The following DDX1 variants were observed in gnomAD, a reference collection of about 807,000 sequenced individuals.
The protein encoded by DDX1 is ATP-dependent RNA helicase DDX1.
A neutral mutation model predicts 108.7 loss-of-function variants in DDX1; 28 were observed. The observed-to-expected ratio is 0.26, with a 90% CI of 0.19 to 0.35. DDX1 has a LOEUF of 0.35. DDX1 is among the 10% of genes least tolerant of loss of function. The pLI is 1.00. For missense variants in DDX1, 710 were observed against 884.5 expected (o/e 0.80, Z 2.50); for synonymous variants, 295 against 288.9 (o/e 1.02, Z -0.21).
chr2:15,611,913 A>G (rs7598362), intron 13 of DDX1, among the ~76,000 whole-genome samples: 363 of 7,868 alleles, frequency 0.046, 2 homozygotes, highest in Middle Eastern at 0.083. Context: ...CCGGGCGGGG[A>G]GCTGACCCCC....
At chr2:15,611,556 C>CG (rs1270127930) in intron 13 of DDX1, among the ~76,000 whole-genome samples, 2 of 127,718 alleles carry the variant, frequency 1.6e-5, no homozygotes, top group Non-Finnish European at 3.3e-5. Context: ...GCTGGCCGGG[C>CG]GGGGGGCTGA....
chr2:15,599,386 A>C (rs1193333695), intron 5 of DDX1, among the ~76,000 whole-genome samples: 5 of 151,498 alleles, frequency 3.3e-5, no homozygotes, highest in African/African-American at 1.2e-4. Context: ...TGCTCACTGC[A>C]GTCTCCACCT....
chr2:15,628,972 A>G (rs1666146318), intron 23 of DDX1, 133 bp downstream of exon 23: 1 of 798,236 alleles, frequency 1.3e-6, no homozygotes, highest in Admixed American at 2.5e-5. Context: ...TTTTAATGTC[A>G]TCTTTTTTCC....
At chr2:15,629,867 C>A in intron 24 of DDX1, 123 bp from the exon 25 acceptor site, 1 of 1,116,664 alleles carries the variant, frequency 9.0e-7, no homozygotes, top group Non-Finnish European at 1.3e-6. Flanking sequence ...GAATTTCTCT[C>A]TTCAGAAATC....
intron 2 of DDX1, 52 bp downstream of exon 2, chr2:15,595,248 A>C (rs1216831910): frequency 7.1e-7 from 1 of 1,416,168 alleles, no homozygotes; most frequent in Non-Finnish European, 9.8e-7. Context: ...TATAATTTAA[A>C]CAGTTGTTAG....
rs189333070 is a variant in DDX1 at position 15,618,365 on chromosome 2, A to G, written c.1206+95A>G. 24 of 678,998 alleles carry G rather than the reference A, an allele frequency of 3.5e-5. No homozygotes were observed. The East Asian group carries it at 5.8e-4, about 16-fold the overall frequency. 42.1% of individuals were successfully genotyped at this position (678,998 alleles called of 1,614,324 possible). A position where few individuals can be genotyped will look rare whatever the true frequency, so the allele number is the denominator to read the frequency against. On this transcript the variant is annotated intron_variant, in intron 16 of 25. Transcript: ENST00000233084. ...GGGGGTGTTGCTTTTCTGGCTGGAA[A>G]CCTCTGCGGCTAGTGATGCCCTTGC... is the stretch of plus-strand genomic sequence containing the variant.
chr2:15,613,164 C>G, intron 13 of DDX1, 60 bp from the exon 14 acceptor site: 2 of 1,154,596 alleles, frequency 1.7e-6, no homozygotes, highest in Non-Finnish European at 1.2e-6. Context: ...GCAGATCAAA[C>G]AATGTAAAGC....
Position 15,603,870 on chromosome 2 carries a change from C to G in DDX1, c.532C>G (p.Gln178Glu). Residue 178 changes from glutamine to glutamate, a missense_variant, in exon 9 of 26, where the codon CAA becomes GAA. Gln to Glu is a conservative substitution (Grantham distance 29). Around this residue, in one of 3 missense-constraint regions of DDX1, gnomAD observed 661 missense variants for 810.2 expected, o/e 0.82. Coordinates refer to ENST00000233084, the MANE Select transcript of DDX1 (RefSeq NM_004939.3). ...AACAGGAAAGAAATCCCATAACAAA[C>G]AATTTGATAATTATGGAGAGGTAAG... ...GGTGKKSHNK[Q>E]FDNYGEEFTM... is the part of the protein sequence containing the mutation. The G allele has an allele frequency of 6.2e-7, 1 of 1,611,246 alleles. No homozygotes were observed. The highest frequency in any genetic ancestry group is 1.1e-5 in the South Asian group (1 of 90,494).
intron 14 of DDX1, among the ~76,000 whole-genome samples, chr2:15,616,447 C>A (rs1053759979): frequency 4.6e-5 from 7 of 152,194 alleles, no homozygotes; most frequent in African/African-American, 1.7e-4. Flanking sequence ...GTCTAATCAC[C>A]ATACCTATGG....
At chr2:15,617,610 G>C (rs1665921897) in intron 15 of DDX1, among the ~76,000 whole-genome samples, 2 of 152,248 alleles carry the variant, frequency 1.3e-5, no homozygotes, top group South Asian at 4.1e-4. Context: ...ATGCTGTCTA[G>C]TGGTCTATTA....
At chr2:15,624,513 G>T (rs1430410704) in intron 19 of DDX1, among the ~76,000 whole-genome samples, 2 of 152,160 alleles carry the variant, frequency 1.3e-5, no homozygotes, top group Non-Finnish European at 2.9e-5. Context: ...GGAAGGAGAA[G>T]TGCCAAGCAA....
In DDX1 at chr2:15,618,164, CTT is replaced by C. The variant is rs1408996086; in HGVS notation, c.1117-15_1117-14del. ...ATACTGATTAAAAACTTAATTTATT[CTT>C]TGTTTCTCATGCAGGATGGGCTTCT... On this transcript the variant is annotated splice_polypyrimidine_tract_variant and intron_variant, in intron 15 of 25. Transcript: ENST00000233084. 6.9e-7 allele frequency: 1 copy of C among 1,458,090 alleles called. No homozygotes were observed. The highest frequency in any genetic ancestry group is 9.5e-7 in the Non-Finnish European group (1 of 1,056,330). The allele number at this position is 1,458,090 out of a possible 1,614,324, so 90.3% of individuals were successfully genotyped here.
chr2:15,594,418 A>G (rs995563826), intron 1 of DDX1, among the ~76,000 whole-genome samples: 2 of 152,146 alleles, frequency 1.3e-5, no homozygotes, highest in African/African-American at 2.4e-5. Flanking sequence ...ATATATAATT[A>G]CCCTCTACAG....
At chr2:15,610,165 C>T (rs1025573263) in intron 13 of DDX1, among the ~76,000 whole-genome samples, 2 of 152,160 alleles carry the variant, frequency 1.3e-5, no homozygotes, top group African/African-American at 4.8e-5. Context: ...CTCCTGGCCT[C>T]AAGCAATCCT....
At chr2:15,596,828 G>GT in intron 4 of DDX1, 65 bp downstream of exon 4, 1 of 1,248,654 alleles carries the variant, frequency 8.0e-7, no homozygotes, top group Admixed American at 1.9e-5. Flanking sequence ...TTGAACAGTA[G>GT]TTTTTACTTT....
chr2:15,611,562 G>T (rs1172628063), intron 13 of DDX1, among the ~76,000 whole-genome samples: 1 of 133,728 alleles, frequency 7.5e-6, no homozygotes, highest in African/African-American at 3.0e-5. Flanking sequence ...CGGGCGGGGG[G>T]CTGACCCCCC....
chr2:15,605,860 A>G (rs1665652510), intron 10 of DDX1, 90 bp from the exon 11 acceptor site: 1 of 862,816 alleles, frequency 1.2e-6, no homozygotes, highest in East Asian at 2.6e-5. Flanking sequence ...GAGAGGCATG[A>G]ATGCAGGTAA....
intron 5 of DDX1, 93 bp from the exon 6 acceptor site, chr2:15,599,576 G>A: frequency 2.2e-6 from 2 of 902,724 alleles, no homozygotes; most frequent in East Asian, 2.7e-5. Context: ...GCTTCCCAAA[G>A]TGCTGAGATT....
chr2:15,626,966 C>T, intron 19 of DDX1, 88 bp from the exon 20 acceptor site: 1 of 737,960 alleles, frequency 1.4e-6, no homozygotes, highest in South Asian at 1.9e-5. Flanking sequence ...TTGTGTGGCA[C>T]TATTGTAGTC....
Sources: allele counts gnomAD v4.1 joint callset (sites outside exome capture counted in the v4.1 genomes callset), GRCh38; gene constraint gnomAD v4.1.1; regional missense constraint gnomAD v4.1.1; transcripts MANE v1.5; gene names NCBI Gene and HGNC (gene_info 2026-07-23, HGNC 2026-07-21).